KATNIP: variants seen among roughly 807,000 people sequenced by gnomAD.
KATNIP encodes the protein katanin interacting protein.
KATNIP carries 126 observed loss-of-function variants against 174.0 expected under a neutral mutation model. That is an observed-to-expected ratio of 0.72 (90% CI 0.63 to 0.84). The LOEUF (loss-of-function observed/expected upper bound fraction) is 0.84, where lower values mean the gene tolerates loss of function less well. Ranked by LOEUF, KATNIP falls within the 40% of genes least tolerant of loss-of-function variation. The probability of loss-of-function intolerance (pLI) is 0.00; values close to 1 mark genes in which losing one functional copy is unlikely to be tolerated. For synonymous variants in KATNIP, 810 were observed against 835.7 expected (o/e 0.97, Z 0.53); for missense variants, 1,958 against 2,109.7 (o/e 0.93, Z 1.41).
At chr16:27,744,774 T>C (rs1425984910) in intron 15 of KATNIP, among the ~76,000 whole-genome samples, 1 of 150,618 alleles carries the variant, frequency 6.6e-6, no homozygotes, top group Admixed American at 6.6e-5. Flanking sequence ...TCCCAGCTAC[T>C]CGGGAGGCTG....
chr16:27,614,259 G>A (rs1743034901), intron 2 of KATNIP, among the ~76,000 whole-genome samples: 1 of 152,004 alleles, frequency 6.6e-6, no homozygotes, highest in African/African-American at 2.4e-5. Flanking sequence ...TCCAACCCCC[G>A]GGTTCAAGCG....
intron 16 of KATNIP, among the ~76,000 whole-genome samples, chr16:27,750,732 C>CTTTT (rs397854747): frequency 6.5e-5 from 6 of 92,088 alleles, no homozygotes; most frequent in Non-Finnish European, 1.1e-4. Flanking sequence ...GCGCCCAGCC[C>CTTTT]TTTTTTTTTT....
At chr16:27,629,268 A>G (rs1273791167) in intron 4 of KATNIP, among the ~76,000 whole-genome samples, 4 of 152,116 alleles carry the variant, frequency 2.6e-5, no homozygotes, top group African/African-American at 9.7e-5. Flanking sequence ...AGAGCATAAG[A>G]ATGAGAAAGA....
At chr16:27,709,825 C>A (rs527758728) in intron 13 of KATNIP, among the ~76,000 whole-genome samples, 1 of 152,242 alleles carries the variant, frequency 6.6e-6, no homozygotes, top group African/African-American at 2.4e-5. Context: ...CAGTTTTCCA[C>A]AGTCACCATC....
intron 10 of KATNIP, among the ~76,000 whole-genome samples, chr16:27,699,934 A>G (rs545921120): frequency 1.3e-5 from 2 of 151,776 alleles, no homozygotes; most frequent in South Asian, 4.1e-4. Context: ...TTTTTGAGAC[A>G]GAATCTCACT....
intron 13 of KATNIP, among the ~76,000 whole-genome samples, chr16:27,715,045 C>T (rs866257473): frequency 6.6e-6 from 1 of 152,202 alleles, no homozygotes; most frequent in African/African-American, 2.4e-5. Flanking sequence ...TCAAAACATA[C>T]GCCAACTCTG....
intron 20 of KATNIP, among the ~76,000 whole-genome samples, chr16:27,768,626 C>A (rs1222261502): frequency 6.6e-6 from 1 of 152,194 alleles, no homozygotes; most frequent in Non-Finnish European, 1.5e-5. Context: ...TCAAGTTCAG[C>A]TCAGGGGGCC....
intron 6 of KATNIP, among the ~76,000 whole-genome samples, chr16:27,665,383 G>T (rs1405292338): frequency 6.6e-6 from 1 of 151,806 alleles, no homozygotes; most frequent in Non-Finnish European, 1.5e-5. Flanking sequence ...GGGATTATAG[G>T]CATGAGCCAC....
rs530320663 is a variant in KATNIP, at chr16:27,690,988, G to A, written c.941-7340G>A. On this transcript the variant is annotated intron_variant, in intron 8 of 27. Transcript: ENST00000261588. ...ATCTATTTTCAATTTTTCTAAAAAA[G>A]TGAAAGTGACACAATACATCTCTGT... is the stretch of plus-strand genomic sequence containing the variant. Among the ~76,000 whole-genome samples the A allele has an allele frequency of 5.3e-5, 8 of 152,238 alleles. No homozygotes were observed. The East Asian group carries it at 1.5e-3, about 29-fold the overall frequency.
intron 1 of KATNIP, among the ~76,000 whole-genome samples, chr16:27,557,511 G>C (rs548968428): frequency 6.7e-6 from 1 of 149,320 alleles, no homozygotes; most frequent in Non-Finnish European, 1.5e-5. Flanking sequence ...TCACTGGTGC[G>C]TCCATCTCCT....
rs781332905 is a variant in KATNIP, at chr16:27,618,501, G to A, written c.140G>A (p.Arg47Gln). Residue 47 changes from arginine (R) to glutamine (Q), a missense_variant and splice_region_variant, in exon 3 of 28, where the codon CGG becomes CAG. This residue lies in a region of KATNIP where 1,557 missense variants were observed against 1,617.8 expected (regional missense o/e 0.96). Coordinates refer to ENST00000261588, the MANE Select transcript of KATNIP (RefSeq NM_015202.5). ...EYLILLQQRN[R>Q]ILKHLKSKDP... is the part of the protein sequence containing the mutation. Reference sequence around the variant, plus strand: ...TTAATATTGCTTCAGCAGAGGAACCGGTAAGAGAAGCCACTCGACGGCAGC... The same window carrying A: ...TTAATATTGCTTCAGCAGAGGAACCAGTAAGAGAAGCCACTCGACGGCAGC... 22 of 1,606,008 alleles carry A rather than the reference G, an allele frequency of 1.4e-5. No homozygotes were observed. The highest frequency in any genetic ancestry group is 1.2e-4 in the South Asian group (11 of 90,880).
chr16:27,661,993 CATAT>C (rs56350763), intron 6 of KATNIP, among the ~76,000 whole-genome samples: 313 of 5,482 alleles, frequency 0.057, 94 homozygotes, highest in Middle Eastern at 1. Context: ...TATACACATA[CATAT>C]ATATATATAT....
At chr16:27,765,270 GCT>G (rs2144095855) in intron 19 of KATNIP, among the ~76,000 whole-genome samples, 1 of 152,380 alleles carries the variant, frequency 6.6e-6, no homozygotes, top group East Asian at 1.9e-4. Flanking sequence ...GCTGAGGCAT[GCT>G]GGGCAGTCCG....
At chr16:27,557,159 T>G (rs1277180968) in intron 1 of KATNIP, among the ~76,000 whole-genome samples, 1 of 151,718 alleles carries the variant, frequency 6.6e-6, no homozygotes, top group Non-Finnish European at 1.5e-5. Context: ...TTTTTTTTTT[T>G]GAGGTGGAGT....
At chr16:27,721,763 G>A in intron 14 of KATNIP, 68 bp downstream of exon 14, 1 of 1,559,926 alleles carries the variant, frequency 6.4e-7, no homozygotes, top group Non-Finnish European at 8.7e-7. Context: ...TTTGCCAATA[G>A]CCTGATTCCT....
intron 14 of KATNIP, among the ~76,000 whole-genome samples, chr16:27,729,197 G>A (rs2080565484): frequency 6.6e-6 from 1 of 152,202 alleles, no homozygotes; most frequent in African/African-American, 2.4e-5. Context: ...GAGTTCACAT[G>A]ATGTCATCAG....
chr16:27,559,143 G>C (rs561314583), intron 1 of KATNIP, among the ~76,000 whole-genome samples: 1 of 152,222 alleles, frequency 6.6e-6, no homozygotes, highest in African/African-American at 2.4e-5. Context: ...TTGCAAGGAA[G>C]AACTTGAAAC....
At chr16:27,685,584 A>T (rs553196877) in intron 8 of KATNIP, among the ~76,000 whole-genome samples, 1 of 152,264 alleles carries the variant, frequency 6.6e-6, no homozygotes, top group South Asian at 2.1e-4. Context: ...TTTAATAAAG[A>T]TCAGATTACC....
At chr16:27,731,721 C>T (rs1436338652) in intron 14 of KATNIP, among the ~76,000 whole-genome samples, 1 of 151,870 alleles carries the variant, frequency 6.6e-6, no homozygotes, top group East Asian at 1.9e-4. Context: ...TGGGTTCAAG[C>T]GATTCTCCTG....
Sources: allele counts gnomAD v4.1 joint callset (sites outside exome capture counted in the v4.1 genomes callset), GRCh38; gene constraint gnomAD v4.1.1; regional missense constraint gnomAD v4.1.1; transcripts MANE v1.5; gene names NCBI Gene and HGNC (gene_info 2026-07-23, HGNC 2026-07-21).